Variants in USP24 observed in about 807,000 individuals in gnomAD.
USP24 encodes ubiquitin specific peptidase 24, also known as ubiquitin carboxyl-terminal hydrolase 24.
A neutral mutation model predicts 361.6 loss-of-function variants in USP24; 97 were observed. That is an observed-to-expected ratio of 0.27 (90% confidence interval 0.23 to 0.32). The LOEUF is 0.32. Ranked by LOEUF, USP24 falls within the 10% of genes least tolerant of loss-of-function variation. The pLI is 1.00. For missense variants in USP24, 2,353 were observed against 3,165.6 expected (o/e 0.74, Z 6.16); for synonymous variants, 1,098 against 1,124.6 (o/e 0.98, Z 0.47).
chr1:55,165,746 G>C (rs930410284), intron 7 of USP24, 139 bp downstream of exon 7: 2 of 582,096 alleles, frequency 3.4e-6, no homozygotes, highest in African/African-American at 3.9e-5. Flanking sequence ...TTGGTTATCA[G>C]GACCGTGGAA....
intron 39 of USP24, 33 bp downstream of exon 39, chr1:55,110,152 C>A: frequency 6.6e-7 from 1 of 1,504,820 alleles, no homozygotes; most frequent in Non-Finnish European, 9.0e-7. Flanking sequence ...TCTTCCCCAG[C>A]CCCTCTCCCC....
At chr1:55,135,508 C>T (rs1205794012) in intron 28 of USP24, among the ~76,000 whole-genome samples, 1 of 152,146 alleles carries the variant, frequency 6.6e-6, no homozygotes, top group Non-Finnish European at 1.5e-5. Context: ...TACCTTCAGG[C>T]TGTGTATATA....
At chr1:55,184,440 G>T (rs996676446) in intron 1 of USP24, among the ~76,000 whole-genome samples, 1 of 152,104 alleles carries the variant, frequency 6.6e-6, no homozygotes, top group Non-Finnish European at 1.5e-5. Flanking sequence ...TAACAACAGA[G>T]ATCTAAAACA....
At chr1:55,118,402 A>C (rs942504558) in intron 38 of USP24, among the ~76,000 whole-genome samples, 1 of 152,232 alleles carries the variant, frequency 6.6e-6, no homozygotes, top group Non-Finnish European at 1.5e-5. Flanking sequence ...GGATATTCAC[A>C]TGGAGAAAAA....
chr1:55,138,534 T>G, intron 26 of USP24, 74 bp downstream of exon 26: 7 of 1,051,770 alleles, frequency 6.7e-6, no homozygotes, highest in Middle Eastern at 4.2e-4. Context: ...TTCATGCAGC[T>G]AACTCAATCA....
At chr1:55,110,988 T>C (rs1055160644) in intron 38 of USP24, among the ~76,000 whole-genome samples, 1 of 152,104 alleles carries the variant, frequency 6.6e-6, no homozygotes, top group Non-Finnish European at 1.5e-5. Context: ...GAACCAAGAA[T>C]TATGGTTATA....
chr1:55,116,750 C>T (rs1646127976), intron 38 of USP24, among the ~76,000 whole-genome samples: 2 of 151,440 alleles, frequency 1.3e-5, no homozygotes, highest in Admixed American at 6.6e-5. Context: ...CAGATGGCTT[C>T]ACTGGTGAAT....
chr1:55,083,335 CAGA>C lies in USP24; in HGVS notation c.6909_6911del (p.Leu2304del), dbSNP rs1645188790. ...TCATGTGCCGCAGAGCTGAATGCCT[CAGA>C]AGAAGATCTCCAGCCCTAATTCCTT... On this transcript the variant is annotated inframe_deletion, in exon 58 of 68. Coordinates refer to ENST00000294383, the MANE Select transcript of USP24 (RefSeq NM_015306.3). 6.2e-7 allele frequency: 1 copy of C among 1,613,668 alleles called. No homozygotes were observed. Among genetic ancestry groups the C allele is most frequent in the South Asian group, 1.1e-5 (1 of 91,074 alleles).
chr1:55,079,630 T>C lies in USP24; in HGVS notation c.7108A>G (p.Ile2370Val), dbSNP rs1387678709. 3 of 1,542,992 alleles carry C rather than the reference T, an allele frequency of 1.9e-6. No homozygotes were observed. The highest frequency in any genetic ancestry group is 2.4e-5 in the Admixed American group (1 of 41,520). ...APGIFKQRPP[I>V]SIAPSSPLLP... ...AGAGGGCTTGAGGGAGCAATGCTAA[T>C]GGGTGGTCGTTGCTTAAATATGCCA... The change falls in exon 60 of 68, where the codon ATT (isoleucine) becomes GTT (valine). Residue 2370 changes from isoleucine (I) to valine (V), a missense_variant. By Grantham distance (29) the Ile-to-Val change is conservative. Coordinates refer to ENST00000294383, the MANE Select transcript of USP24 (RefSeq NM_015306.3).
chr1:55,191,276 A>G lies in USP24; in HGVS notation c.325-13144T>C, dbSNP rs554624120. Among the ~76,000 whole-genome samples, 8 of 152,316 alleles carry G rather than the reference A, an allele frequency of 5.3e-5. No homozygotes were observed. The South Asian group carries it at 8.3e-4, about 16-fold the overall frequency. On this transcript the variant is annotated intron_variant, in intron 1 of 67. Transcript: ENST00000294383. The stretch of plus-strand genomic sequence containing the variant: ...AAGTAACATTGTTGGATACATACTC[A>G]TCTCTTCAGTATTTTAGGCTACTTC...
intron 67 of USP24, chr1:55,071,041 G>T: frequency 2.8e-6 from 2 of 713,530 alleles, no homozygotes; most frequent in Non-Finnish European, 1.7e-6. Flanking sequence ...ACATCACTGT[G>T]CTGGGCTGCA....
chr1:55,098,357 A>T, intron 46 of USP24, 119 bp downstream of exon 46: 1 of 955,106 alleles, frequency 1.0e-6, no homozygotes, highest in Non-Finnish European at 1.5e-6. Flanking sequence ...AAATACTTAT[A>T]GATCTGTTGA....
In USP24 at chr1:55,147,652, C is replaced by T. The variant is rs1411217307; in HGVS notation, c.2115G>A (p.Arg705=). The T allele has an allele frequency of 6.2e-7, 1 of 1,604,512 alleles. No homozygotes were observed. The highest frequency in any genetic ancestry group is 8.5e-7 in the Non-Finnish European group (1 of 1,176,130). Residue 705 remains arginine (R), a synonymous_variant, in exon 18 of 68, where the codon CGG becomes CGA. Transcript: ENST00000294383. ...GCAAAAACACAAGGCCTGATACCTC[C>T]CGGTAAGTGTACCGGCCATCCACTA... ...STLVDGRYTY[R]EYLEAHLKFL...
intron 10 of USP24, among the ~76,000 whole-genome samples, chr1:55,158,349 C>T (rs907130363): frequency 5.3e-5 from 8 of 152,180 alleles, no homozygotes; most frequent in Admixed American, 1.3e-4. Context: ...CCTAACAATA[C>T]AAAACCGAAG....
Position 55,067,381 on chromosome 1 carries a change from T to C in USP24, c.*1664A>G, listed in dbSNP as rs996841551. ...CAAGACCATTGGAACCGTCTGAAGTTTGCCACTCGCCTCTGTCCGTTTCTC... is the reference window on the plus strand; with the variant it reads ...CAAGACCATTGGAACCGTCTGAAGTCTGCCACTCGCCTCTGTCCGTTTCTC... On this transcript the variant is annotated 3_prime_UTR_variant, in exon 68 of 68. Coordinates refer to ENST00000294383, the MANE Select transcript of USP24 (RefSeq NM_015306.3). 5.3e-5 allele frequency: 8 copies of C among 152,202 alleles called. No individual in the cohort carries two copies. The highest frequency in any genetic ancestry group is 2.0e-4 in the Admixed American group (3 of 15,282). 9.4% of individuals were successfully genotyped at this position (152,202 alleles called of 1,614,324 possible).
chr1:55,173,012 A>G (rs1176266069), intron 3 of USP24, among the ~76,000 whole-genome samples: 1 of 152,214 alleles, frequency 6.6e-6, no homozygotes, highest in African/African-American at 2.4e-5. Flanking sequence ...GTAAGGCATT[A>G]TTAATATATC....
At chr1:55,101,934 T>G (rs1384696267) in intron 42 of USP24, among the ~76,000 whole-genome samples, 1 of 152,174 alleles carries the variant, frequency 6.6e-6, no homozygotes, top group Non-Finnish European at 1.5e-5. Flanking sequence ...ACCTGGCAGA[T>G]AGGTGTGTAT....
At chr1:55,090,914 GTC>G (rs922182496) in intron 54 of USP24, among the ~76,000 whole-genome samples, 14 of 152,112 alleles carry the variant, frequency 9.2e-5, no homozygotes, top group Admixed American at 9.2e-4. Context: ...GCGAAACCCC[GTC>G]TCTACTAAAA....
chr1:55,173,946 A>G (rs907764614), intron 3 of USP24, among the ~76,000 whole-genome samples: 23 of 152,222 alleles, frequency 1.5e-4, no homozygotes, highest in Non-Finnish European at 3.1e-4. Context: ...CCATTTGCTC[A>G]TTTTTCACTT....
Sources: gnomAD v4.1 joint callset for allele counts (sites outside exome capture counted in the v4.1 genomes callset) on GRCh38, gnomAD v4.1.1 for gene constraint, MANE v1.5 for transcripts, NCBI Gene and HGNC (gene_info 2026-07-23, HGNC 2026-07-21) for gene names.